The following GRID1 variants were observed in gnomAD, a reference collection of about 807,000 sequenced individuals.
GRID1 encodes the protein glutamate ionotropic receptor delta type subunit 1, also known as glutamate receptor ionotropic, delta-1.
In GRID1, 28 loss-of-function variants were observed where a neutral mutation model predicts 98.0. The observed-to-expected ratio is 0.29, with a 90% CI of 0.21 to 0.39. GRID1 has a LOEUF of 0.39. GRID1 is among the 10% of genes least tolerant of loss of function. The pLI is 1.00. For synonymous variants in GRID1, 553 were observed against 538.5 expected (o/e 1.03, Z -0.37); for missense variants, 1,111 against 1,340.5 (o/e 0.83, Z 2.67).
chr10:86,209,662 A>G (rs1396218347), intron 2 of GRID1, among the ~76,000 whole-genome samples: 2 of 152,228 alleles, frequency 1.3e-5, no homozygotes, highest in African/African-American at 4.8e-5. Flanking sequence ...ATACATTTAT[A>G]ATCTTAAACA....
intron 12 of GRID1, among the ~76,000 whole-genome samples, chr10:85,697,608 T>C (rs73328612): frequency 0.03 from 4,600 of 152,272 alleles, 204 homozygotes; most frequent in African/African-American, 0.1. Context: ...TGTTCCTTTA[T>C]TATAACATGT....
At chr10:86,076,370 C>G (rs1229533748) in intron 4 of GRID1, among the ~76,000 whole-genome samples, 1 of 152,208 alleles carries the variant, frequency 6.6e-6, no homozygotes, top group African/African-American at 2.4e-5. Flanking sequence ...GGTCATGAAT[C>G]ACTGGAGTTC....
At chr10:86,210,672 A>G (rs574046346) in intron 2 of GRID1, among the ~76,000 whole-genome samples, 7 of 152,328 alleles carry the variant, frequency 4.6e-5, no homozygotes, top group Admixed American at 2.6e-4. Context: ...CCAGGCCTCC[A>G]CAAAAAGGGT....
rs144599998 is a variant in GRID1 at position 85,977,990 on chromosome 10, T to C, written c.727-61751A>G. 5.9e-5 allele frequency among the ~76,000 whole-genome samples: 9 copies of C among 152,296 alleles called. No individual in the cohort carries two copies. In the East Asian group the frequency reaches 1.7e-3, roughly 29 times the overall value. ...GCCCACATGAGAGTGCCGAGGTCAA[T>C]TGGGCCAGAGGGCCAAAAGAGCCTG... On this transcript the variant is annotated intron_variant, in intron 4 of 15. Transcript: ENST00000327946.
At chr10:86,124,394 T>C (rs1392279118) in intron 4 of GRID1, among the ~76,000 whole-genome samples, 3 of 152,206 alleles carry the variant, frequency 2.0e-5, no homozygotes, top group Admixed American at 2.0e-4. Context: ...GCTGAGCTCA[T>C]TCCAGCCTCA....
intron 2 of GRID1, among the ~76,000 whole-genome samples, chr10:86,346,198 A>C (rs896806040): frequency 6.6e-6 from 1 of 152,200 alleles, no homozygotes; most frequent in African/African-American, 2.4e-5. Flanking sequence ...ACTCCAGCAC[A>C]TGGGTTCTGC....
chr10:86,154,921 G>A (rs1340717829), intron 3 of GRID1, among the ~76,000 whole-genome samples: 1 of 152,086 alleles, frequency 6.6e-6, no homozygotes, highest in Non-Finnish European at 1.5e-5. Flanking sequence ...ACTCACCCCA[G>A]CAACCCCAGG....
chr10:85,609,784 G>A (rs1842713331), intron 15 of GRID1, among the ~76,000 whole-genome samples: 1 of 152,206 alleles, frequency 6.6e-6, no homozygotes, highest in South Asian at 2.1e-4. Context: ...CACTCCTCAT[G>A]TCGTCTCCCA....
At chr10:85,907,014 A>C (rs1841470764) in intron 5 of GRID1, among the ~76,000 whole-genome samples, 1 of 152,254 alleles carries the variant, frequency 6.6e-6, no homozygotes, top group South Asian at 2.1e-4. Flanking sequence ...CAAGTAATGA[A>C]TATTATATAT....
At chr10:86,286,507 C>A (rs529700140) in intron 2 of GRID1, among the ~76,000 whole-genome samples, 1 of 152,182 alleles carries the variant, frequency 6.6e-6, no homozygotes, top group Non-Finnish European at 1.5e-5. Context: ...CGTCCTCCCA[C>A]GAGTGAGGCC....
chr10:86,086,687 C>T (rs1167666387), intron 4 of GRID1, among the ~76,000 whole-genome samples: 3 of 152,118 alleles, frequency 2.0e-5, no homozygotes, highest in Admixed American at 6.6e-5. Flanking sequence ...CATGTGTGTG[C>T]ATGGGCATGT....
chr10:85,983,784 G>A (rs552409693), intron 4 of GRID1, among the ~76,000 whole-genome samples: 1 of 152,152 alleles, frequency 6.6e-6, no homozygotes, highest in African/African-American at 2.4e-5. Flanking sequence ...GCACTCCATT[G>A]CTCAGGGGCT....
At chr10:86,169,203 C>T (rs1692465635) in intron 3 of GRID1, among the ~76,000 whole-genome samples, 1 of 152,222 alleles carries the variant, frequency 6.6e-6, no homozygotes, top group South Asian at 2.1e-4. Context: ...TCTGGAAACA[C>T]TGCCCTGAGA....
intron 2 of GRID1, among the ~76,000 whole-genome samples, chr10:86,235,540 A>G (rs1056365626): frequency 1.3e-5 from 2 of 152,238 alleles, no homozygotes; most frequent in African/African-American, 4.8e-5. Flanking sequence ...GCCTGTTTAC[A>G]GTCAATCTCT....
At chr10:85,700,135 C>T (rs73328613) in intron 12 of GRID1, among the ~76,000 whole-genome samples, 4,242 of 152,246 alleles carry the variant, frequency 0.028, 171 homozygotes, top group African/African-American at 0.095. Flanking sequence ...TTTCAACAAC[C>T]GTAATGATAA....
chr10:85,789,651 A>C (rs1842460233), intron 8 of GRID1, among the ~76,000 whole-genome samples: 3 of 152,152 alleles, frequency 2.0e-5, no homozygotes, highest in African/African-American at 7.2e-5. Flanking sequence ...TTAAAGCAGC[A>C]AACACTTTCA....
intron 12 of GRID1, among the ~76,000 whole-genome samples, chr10:85,707,653 C>CACAT (rs1401492657): frequency 6.6e-6 from 1 of 152,164 alleles, no homozygotes; most frequent in African/African-American, 2.4e-5. Flanking sequence ...GCTACAAAGA[C>CACAT]ACATGCACAC....
intron 4 of GRID1, among the ~76,000 whole-genome samples, chr10:86,106,298 G>A (rs1442175710): frequency 6.6e-6 from 1 of 152,212 alleles, no homozygotes; most frequent in Non-Finnish European, 1.5e-5. Context: ...TCATCTCAAT[G>A]CAATCACTAA....
At chr10:86,149,963 A>G (rs1330990150) in intron 3 of GRID1, among the ~76,000 whole-genome samples, 1 of 152,214 alleles carries the variant, frequency 6.6e-6, no homozygotes. Flanking sequence ...GTGAGATCAT[A>G]TTTTTAAGGA....
Sources: allele counts gnomAD v4.1 joint callset (sites outside exome capture counted in the v4.1 genomes callset), GRCh38; gene constraint gnomAD v4.1.1; transcripts MANE v1.5; gene names NCBI Gene and HGNC (gene_info 2026-07-23, HGNC 2026-07-21).